Variants in ASIC2 observed in about 807,000 individuals in gnomAD.
ASIC2 encodes acid sensing ion channel subunit 2, also known as acid-sensing ion channel 2.
A neutral mutation model predicts 57.3 loss-of-function variants in ASIC2; 25 were observed. That is an observed-to-expected ratio of 0.44 (90% CI 0.32 to 0.61). The LOEUF is 0.61. Among genes scored for constraint, ASIC2 ranks in the 20% least tolerant of loss-of-function variants. The probability of loss-of-function intolerance (pLI) is 0.06; values close to 1 mark genes in which losing one functional copy is unlikely to be tolerated. For missense variants in ASIC2, 641 were observed against 738.1 expected (o/e 0.87, Z 1.52); for synonymous variants, 319 against 307.5 (o/e 1.04, Z -0.39).
intron 1 of ASIC2, among the ~76,000 whole-genome samples, chr17:33,423,656 A>G (rs372103750): frequency 4.6e-5 from 7 of 152,110 alleles, no homozygotes; most frequent in African/African-American, 1.4e-4. Flanking sequence ...TCAGCTACTC[A>G]GGGTTCAGCA....
intron 1 of ASIC2, among the ~76,000 whole-genome samples, chr17:33,288,760 A>AC (rs1567811505): frequency 3.4e-5 from 5 of 147,524 alleles, no homozygotes; most frequent in African/African-American, 7.6e-5. Context: ...ACACACACAC[A>AC]ACTAATATGG....
intron 1 of ASIC2, among the ~76,000 whole-genome samples, chr17:33,249,332 G>T (rs1320651686): frequency 6.6e-6 from 1 of 152,210 alleles, no homozygotes; most frequent in Non-Finnish European, 1.5e-5. Context: ...TAGCTGGGGA[G>T]AAGAGCCCAG....
chr17:33,796,916 A>T (rs1236183667), intron 1 of ASIC2, among the ~76,000 whole-genome samples: 1 of 152,138 alleles, frequency 6.6e-6, no homozygotes, highest in Non-Finnish European at 1.5e-5. Flanking sequence ...TTATTTATTC[A>T]TTCAACCAAC....
chr17:33,461,916 G>A (rs140984366), intron 1 of ASIC2, among the ~76,000 whole-genome samples: 1,561 of 152,262 alleles, frequency 0.01, 26 homozygotes, highest in African/African-American at 0.035. Flanking sequence ...TGATCCATCC[G>A]CCTAGCCATT....
intron 1 of ASIC2, among the ~76,000 whole-genome samples, chr17:33,942,260 C>T (rs917609583): frequency 6.6e-6 from 1 of 152,190 alleles, no homozygotes; most frequent in African/African-American, 2.4e-5. Flanking sequence ...GTTCCTGCAG[C>T]AGCAGCATCA....
intron 3 of ASIC2, among the ~76,000 whole-genome samples, chr17:33,063,494 CTCTCTTCTGGCTTGTAGAG>C (rs1567731405): frequency 1.3e-5 from 2 of 152,082 alleles, no homozygotes; most frequent in African/African-American, 4.8e-5. Flanking sequence ...TTGGCCCCCC[CTCTCTTCTGGCTTGTAGAG>C]TTTCTGCTGA....
At chr17:33,469,430 G>C (rs1912969116) in intron 1 of ASIC2, among the ~76,000 whole-genome samples, 1 of 152,170 alleles carries the variant, frequency 6.6e-6, no homozygotes, top group Admixed American at 6.5e-5. Flanking sequence ...CCTGGACACA[G>C]ACCACCATGG....
At chr17:34,147,827 G>A (rs898933532) in intron 1 of ASIC2, among the ~76,000 whole-genome samples, 4 of 152,142 alleles carry the variant, frequency 2.6e-5, no homozygotes, top group Non-Finnish European at 4.4e-5. Context: ...AGGTGGTATC[G>A]TTTTAGTCTC....
At chr17:33,390,269 C>T (rs1018693401) in intron 1 of ASIC2, among the ~76,000 whole-genome samples, 1 of 151,990 alleles carries the variant, frequency 6.6e-6, no homozygotes, top group Non-Finnish European at 1.5e-5. Flanking sequence ...GCTGAGATCA[C>T]GCCACTGCAC....
At chr17:33,611,085 G>T (rs12950265) in intron 1 of ASIC2, among the ~76,000 whole-genome samples, 1 of 152,108 alleles carries the variant, frequency 6.6e-6, no homozygotes, top group South Asian at 2.1e-4. Context: ...CAACTAATCA[G>T]GGAGGTGAGA....
chr17:34,052,073 A>T (rs1317656934), intron 1 of ASIC2, among the ~76,000 whole-genome samples: 1 of 152,192 alleles, frequency 6.6e-6, no homozygotes, highest in South Asian at 2.1e-4. Context: ...CCACTCTTTC[A>T]TCCATCCATC....
At chr17:33,431,899 C>T (rs1056373513) in intron 1 of ASIC2, among the ~76,000 whole-genome samples, 2 of 152,092 alleles carry the variant, frequency 1.3e-5, no homozygotes, top group Non-Finnish European at 2.9e-5. Flanking sequence ...AACTATAATG[C>T]ACTATATTCC....
At chr17:33,776,131 T>C (rs1176566226) in intron 1 of ASIC2, among the ~76,000 whole-genome samples, 3 of 40,222 alleles carry the variant, frequency 7.5e-5, no homozygotes, top group Non-Finnish European at 1.6e-4. Context: ...AGACTCTGTC[T>C]CAAAAAAAAA....
intron 1 of ASIC2, among the ~76,000 whole-genome samples, chr17:33,214,173 G>C (rs1907386096): frequency 6.6e-6 from 1 of 152,166 alleles, no homozygotes; most frequent in African/African-American, 2.4e-5. Flanking sequence ...GCTCCCATCT[G>C]AGGCCTCTGC....
Position 33,788,905 on chromosome 17 carries a change from G to T in ASIC2, c.555+367073C>A, listed in dbSNP as rs932160018. Among the ~76,000 whole-genome samples the T allele has an allele frequency of 6.6e-5, 10 of 152,116 alleles. No individual in the cohort carries two copies. In the East Asian group the frequency reaches 7.7e-4, roughly 12 times the overall value. Reference sequence around the variant, plus strand: ...AACACACACCAGGGCCTGTTGGGGGGGTTGGGAATTGAGGGGAGAGAACTT... The same window carrying T: ...AACACACACCAGGGCCTGTTGGGGGTGTTGGGAATTGAGGGGAGAGAACTT... On this transcript the variant is annotated intron_variant, in intron 1 of 9. Coordinates refer to the ASIC2 transcript ENST00000359872.
chr17:33,014,403 T>G (rs73273966), intron 9 of ASIC2, among the ~76,000 whole-genome samples: 1 of 152,102 alleles, frequency 6.6e-6, no homozygotes, highest in South Asian at 2.1e-4. Context: ...GACCTCTCTC[T>G]TGGGGGCCTC....
intron 1 of ASIC2, among the ~76,000 whole-genome samples, chr17:33,459,830 C>A (rs986731547): frequency 6.6e-6 from 1 of 152,316 alleles, no homozygotes; most frequent in East Asian, 1.9e-4. Context: ...TGAGCTCAGA[C>A]CACATTGTGG....
chr17:33,207,846 T>G (rs1484221335), intron 1 of ASIC2, among the ~76,000 whole-genome samples: 2 of 152,222 alleles, frequency 1.3e-5, no homozygotes, highest in African/African-American at 4.8e-5. Flanking sequence ...CCACCCTGGC[T>G]CCTGGAGATC....
rs1241366410 is a variant in ASIC2 at position 33,126,884 on chromosome 17, G to T, written c.709-14817C>A. Among the ~76,000 whole-genome samples, 4 of 104,700 alleles carry T rather than the reference G, an allele frequency of 3.8e-5. No homozygotes were observed. In the East Asian group the frequency reaches 1.2e-3, roughly 31 times the overall value. 68.7% of individuals were successfully genotyped at this position (104,700 alleles called of 152,430 possible). On this transcript the variant is annotated intron_variant, in intron 1 of 9. Coordinates refer to ENST00000225823, the MANE Select transcript of ASIC2 (RefSeq NM_183377.2). ...TTTTTTTTTTTTTTTTTTTTGAGAC[G>T]GAGTCTCGCTCTGTCGCCCAGGCGG...
Sources: gnomAD v4.1 joint callset for allele counts (sites outside exome capture counted in the v4.1 genomes callset) on GRCh38, gnomAD v4.1.1 for gene constraint, MANE v1.5 for transcripts, NCBI Gene and HGNC (gene_info 2026-07-23, HGNC 2026-07-21) for gene names.